Variants in STK24 observed in about 807,000 individuals in gnomAD.
STK24 encodes the protein serine/threonine kinase 24.
Under a neutral mutation model 55.6 loss-of-function variants are expected in STK24, and 21 were observed. The ratio of observed to expected loss-of-function variants is 0.38; its 90% confidence interval spans 0.27 to 0.54. The LOEUF (loss-of-function observed/expected upper bound fraction) is 0.54. STK24 is among the 20% of genes least tolerant of loss of function. The pLI is 0.79. For missense variants in STK24, 383 were observed against 538.4 expected (o/e 0.71, Z 2.86); for synonymous variants, 200 against 215.2 (o/e 0.93, Z 0.62).
At chr13:98,535,293 C>T (rs560885739) in intron 1 of STK24, among the ~76,000 whole-genome samples, 54 of 150,782 alleles carry the variant, frequency 3.6e-4, no homozygotes, top group Non-Finnish European at 7.1e-4. Flanking sequence ...GCCAAGATCA[C>T]GCCATTGCAC....
At chr13:98,493,761 G>A (rs1477078907) in intron 2 of STK24, among the ~76,000 whole-genome samples, 5 of 151,364 alleles carry the variant, frequency 3.3e-5, no homozygotes, top group Admixed American at 2.6e-4. Context: ...AGACCCAGCC[G>A]AAAGAGACCA....
At chr13:98,475,794 G>A (rs928878316) in intron 3 of STK24, among the ~76,000 whole-genome samples, 5 of 152,164 alleles carry the variant, frequency 3.3e-5, no homozygotes, top group East Asian at 1.9e-4. Flanking sequence ...TCCAGGAAAC[G>A]AACAGCCAAG....
In STK24 at chr13:98,521,949, C is replaced by T. The variant is rs1896276072; in HGVS notation, c.43-2476G>A. 1.0e-5 allele frequency: 13 copies of T among 1,300,838 alleles called. No homozygotes were observed. In the South Asian group the frequency reaches 1.4e-4, roughly 14 times the overall value. 80.6% of individuals were successfully genotyped at this position (1,300,838 alleles called of 1,614,324 possible). A position where few individuals can be genotyped will look rare whatever the true frequency, so the allele number is the denominator to read the frequency against. On this transcript the variant is annotated intron_variant, in intron 1 of 10. Coordinates refer to ENST00000539966, the MANE Select transcript of STK24 (RefSeq NM_001032296.4). ...CTGGCTCTCTGCCCTTGGCAACATG[C>T]TCCAGTTTCTCCCATTTAAAACAAA...
At chr13:98,554,509 C>T (rs904355445) in intron 1 of STK24, among the ~76,000 whole-genome samples, 1 of 152,148 alleles carries the variant, frequency 6.6e-6, no homozygotes, top group Admixed American at 6.5e-5. Context: ...GATAAAACTC[C>T]AAAATCCCTT....
At chr13:98,474,205 T>C (rs1246278365) in intron 5 of STK24, among the ~76,000 whole-genome samples, 1 of 152,008 alleles carries the variant, frequency 6.6e-6, no homozygotes, top group Admixed American at 6.6e-5. Flanking sequence ...TAGGAGAGTG[T>C]CCCTAACACA....
At chr13:98,531,243 C>T (rs1398893741) in intron 1 of STK24, among the ~76,000 whole-genome samples, 1 of 152,176 alleles carries the variant, frequency 6.6e-6, no homozygotes, top group Non-Finnish European at 1.5e-5. Context: ...CCAATACGCC[C>T]TCCCAAAATC....
At chr13:98,477,116 T>C (rs1432456114) in intron 3 of STK24, among the ~76,000 whole-genome samples, 1 of 152,238 alleles carries the variant, frequency 6.6e-6, no homozygotes, top group Non-Finnish European at 1.5e-5. Flanking sequence ...CCCAGTTACC[T>C]GAACAAAAGT....
chr13:98,554,799 G>A (rs1334721671), intron 1 of STK24, among the ~76,000 whole-genome samples: 1 of 152,050 alleles, frequency 6.6e-6, no homozygotes, highest in East Asian at 1.9e-4. Context: ...CAGATCACCT[G>A]AGGTCAGGAG....
chr13:98,466,506 G>A lies in STK24; in HGVS notation c.653C>T (p.Pro218Leu). The part of the protein sequence containing the change: ...TAIELARGEP[P>L]HSELHPMKVL... ...TTTCATGGGGTGCAGCTCGGAATGAGGTGGTTCCCCTCTTGCAAGTTCAAT... is the reference window on the plus strand; with the variant it reads ...TTTCATGGGGTGCAGCTCGGAATGAAGTGGTTCCCCTCTTGCAAGTTCAAT... The change falls in exon 6 of 11, where the codon CCT becomes CTT. Residue 218 changes from proline (P) to leucine (L), a missense_variant. Transcript: ENST00000539966. 1 of 1,614,104 alleles carries A rather than the reference G, an allele frequency of 6.2e-7. No individual in the cohort carries two copies. The highest frequency in any genetic ancestry group is 8.5e-7 in the Non-Finnish European group (1 of 1,180,030).
intron 1 of STK24, among the ~76,000 whole-genome samples, chr13:98,544,246 T>C (rs1332262900): frequency 1.3e-5 from 2 of 152,102 alleles, no homozygotes; most frequent in Non-Finnish European, 2.9e-5. Context: ...AGCAGGACCT[T>C]AGGCCAGCAC....
At chr13:98,471,239 A>G (rs1021520855) in intron 5 of STK24, among the ~76,000 whole-genome samples, 1 of 152,148 alleles carries the variant, frequency 6.6e-6, no homozygotes, top group African/African-American at 2.4e-5. Flanking sequence ...CTGGCAGCCC[A>G]TCGGCTCATC....
chr13:98,574,034 C>T (rs1274399717), intron 1 of STK24, among the ~76,000 whole-genome samples: 3 of 151,344 alleles, frequency 2.0e-5, no homozygotes, highest in African/African-American at 2.4e-5. Context: ...TTTTTTGAGA[C>T]GGAGTCTGCC....
chr13:98,467,508 C>T (rs920363151), intron 5 of STK24, among the ~76,000 whole-genome samples: 4 of 152,146 alleles, frequency 2.6e-5, no homozygotes, highest in Non-Finnish European at 5.9e-5. Context: ...CAACCTACAA[C>T]AGTCCTGTCC....
intron 8 of STK24, among the ~76,000 whole-genome samples, chr13:98,461,273 C>T (rs1420559085): frequency 6.6e-6 from 1 of 152,152 alleles, no homozygotes; most frequent in African/African-American, 2.4e-5. Context: ...AAAGAAACTA[C>T]ACCACTATGC....
intron 2 of STK24, among the ~76,000 whole-genome samples, chr13:98,485,819 G>C (rs565070677): frequency 6.6e-6 from 1 of 152,246 alleles, no homozygotes; most frequent in Non-Finnish European, 1.5e-5. Context: ...CGGCCCGGGG[G>C]ACCGGATGGA....
At chr13:98,482,953 G>A (rs1251233483) in intron 2 of STK24, among the ~76,000 whole-genome samples, 2 of 152,224 alleles carry the variant, frequency 1.3e-5, no homozygotes, top group African/African-American at 2.4e-5. Context: ...TAACATGCAT[G>A]TCTGTGTCCT....
At chr13:98,540,723 A>T (rs963832316) in intron 1 of STK24, among the ~76,000 whole-genome samples, 4 of 148,492 alleles carry the variant, frequency 2.7e-5, no homozygotes, top group African/African-American at 1.0e-4. Context: ...CCTCTATAAC[A>T]ACTGTTTCAG....
intron 1 of STK24, among the ~76,000 whole-genome samples, chr13:98,572,736 T>G (rs1897775575): frequency 6.6e-6 from 1 of 152,232 alleles, no homozygotes; most frequent in African/African-American, 2.4e-5. Context: ...CTTCAGGTTT[T>G]TAAGCTATTC....
chr13:98,547,567 C>T (rs9517343), intron 1 of STK24, among the ~76,000 whole-genome samples: 28,724 of 152,090 alleles, frequency 0.19, 2,797 homozygotes, highest in South Asian at 0.27. Context: ...AAATTAATGA[C>T]CAACTATGAT....
Sources: gnomAD v4.1 joint callset for allele counts (sites outside exome capture counted in the v4.1 genomes callset) on GRCh38, gnomAD v4.1.1 for gene constraint, MANE v1.5 for transcripts, NCBI Gene and HGNC (gene_info 2026-07-23, HGNC 2026-07-21) for gene names.